The following ARHGEF26 variants were observed in gnomAD, a reference collection of about 807,000 sequenced individuals.
ARHGEF26 encodes the protein Rho guanine nucleotide exchange factor (GEF) 26.
Under a neutral mutation model 89.4 loss-of-function variants are expected in ARHGEF26, and 59 were observed. The observed-to-expected ratio is 0.66, with a 90% confidence interval of 0.54 to 0.82. The LOEUF (loss-of-function observed/expected upper bound fraction) is 0.82, where lower values mean the gene tolerates loss of function less well. Ranked by LOEUF, ARHGEF26 falls within the 40% of genes least tolerant of loss-of-function variation. The probability of loss-of-function intolerance (pLI) is 0.00; values close to 1 mark genes in which losing one functional copy is unlikely to be tolerated. For missense variants in ARHGEF26, 1,234 were observed against 1,085.6 expected, an observed-to-expected ratio of 1.14 and a Z score of -1.92; for synonymous variants, 500 against 428.4, an observed-to-expected ratio of 1.17 and a Z score of -2.06.
At chr3:154,161,067 G>A (rs905774905) in intron 6 of ARHGEF26, among the ~76,000 whole-genome samples, 185 of 124,460 alleles carry the variant, frequency 1.5e-3, no homozygotes, top group Non-Finnish European at 1.4e-3. Flanking sequence ...AGCCTTCTGC[G>A]CTACTCTCCT....
intron 6 of ARHGEF26, among the ~76,000 whole-genome samples, chr3:154,181,136 A>AG (rs1299184177): frequency 1.3e-5 from 2 of 152,226 alleles, no homozygotes; most frequent in Non-Finnish European, 2.9e-5. Context: ...CACCAAAAAA[A>AG]TTCCAAATAA....
chr3:154,221,209 A>G (rs2108253257), intron 10 of ARHGEF26, among the ~76,000 whole-genome samples: 1 of 152,314 alleles, frequency 6.6e-6, no homozygotes, highest in East Asian at 1.9e-4. Context: ...GGAAATCCAA[A>G]TGATGACAAA....
At chr3:154,239,241 T>C (rs1174613682) in intron 11 of ARHGEF26, among the ~76,000 whole-genome samples, 1 of 146,114 alleles carries the variant, frequency 6.8e-6, no homozygotes, top group Non-Finnish European at 1.5e-5. Flanking sequence ...GGACTTGATG[T>C]AAATGACCGA....
intron 9 of ARHGEF26, among the ~76,000 whole-genome samples, chr3:154,199,464 A>G (rs1484061565): frequency 6.6e-6 from 1 of 151,942 alleles, no homozygotes; most frequent in Middle Eastern, 3.2e-3. Context: ...TCTTTCATCT[A>G]CTGATGGACA....
At chr3:154,138,346 GA>G (rs563445921) in intron 4 of ARHGEF26, among the ~76,000 whole-genome samples, 35 of 152,098 alleles carry the variant, frequency 2.3e-4, no homozygotes, top group Admixed American at 1.5e-3. Context: ...GTTATGTATT[GA>G]GTACAGTTTC....
At chr3:154,251,543 C>T (rs571496114) in intron 12 of ARHGEF26, among the ~76,000 whole-genome samples, 2 of 152,258 alleles carry the variant, frequency 1.3e-5, no homozygotes, top group Middle Eastern at 6.8e-3. Context: ...AAGCTGCCTG[C>T]TTTTATGAGG....
At position 154,122,328 on chromosome 3, in the gene ARHGEF26, G is replaced by C. The variant is rs1718003503; in HGVS notation, c.336G>C (p.Lys112Asn). 1 of 1,612,786 alleles carries C rather than the reference G, an allele frequency of 6.2e-7. No individual in the cohort carries two copies. The highest frequency in any genetic ancestry group is 1.1e-5 in the South Asian group (1 of 91,082). The change falls in exon 2 of 15, where the codon AAG becomes AAC. Residue 112 changes from lysine to asparagine, a missense_variant. Physicochemically the swap from Lys to Asn is moderately conservative, Grantham distance 94. Transcript: ENST00000465093. ...CCTCTCCTCGACTTCGACGGCCCAA[G>C]TCACCCAAGCTCCCCAAAGCGGTGC... Reference protein sequence around the residue: ...RAASPRLRRPKSPKLPKAVPG... With the variant: ...RAASPRLRRPNSPKLPKAVPG...
At chr3:154,146,523 G>T (rs1239768971) in intron 4 of ARHGEF26, among the ~76,000 whole-genome samples, 1 of 152,134 alleles carries the variant, frequency 6.6e-6, no homozygotes, top group South Asian at 2.1e-4. Context: ...ATCCATAGAA[G>T]AAATATCTTG....
At chr3:154,239,002 G>A (rs1717289171) in intron 11 of ARHGEF26, among the ~76,000 whole-genome samples, 1 of 152,050 alleles carries the variant, frequency 6.6e-6, no homozygotes, top group South Asian at 2.1e-4. Context: ...GATTAGAGGA[G>A]GTGAGTTGGA....
chr3:154,186,570 G>A (rs1713567775), intron 6 of ARHGEF26, among the ~76,000 whole-genome samples: 1 of 151,922 alleles, frequency 6.6e-6, no homozygotes, highest in East Asian at 2.0e-4. Flanking sequence ...AGACCAGCCT[G>A]GCCGATATGG....
intron 6 of ARHGEF26, among the ~76,000 whole-genome samples, chr3:154,186,167 C>CACACACACA (rs1170023336): frequency 4.2e-5 from 2 of 47,098 alleles, no homozygotes; most frequent in South Asian, 9.7e-4. Context: ...ACACACACAC[C>CACACACACA]CCTATACACA....
intron 13 of ARHGEF26, among the ~76,000 whole-genome samples, chr3:154,253,449 T>C (rs947887663): frequency 1.3e-5 from 2 of 152,222 alleles, no homozygotes; most frequent in South Asian, 2.1e-4. Context: ...GCAAGTCAGT[T>C]ACACCATTAT....
chr3:154,143,091 G>C (rs1719481501), intron 4 of ARHGEF26, among the ~76,000 whole-genome samples: 1 of 152,120 alleles, frequency 6.6e-6, no homozygotes, highest in Non-Finnish European at 1.5e-5. Context: ...TTTGGGAGAG[G>C]ATGTTGAAGT....
At chr3:154,224,678 TTGTC>T (rs1477546228) in intron 10 of ARHGEF26, among the ~76,000 whole-genome samples, 1 of 152,156 alleles carries the variant, frequency 6.6e-6, no homozygotes, top group African/African-American at 2.4e-5. Flanking sequence ...TGTAGGGTAA[TTGTC>T]TGATTTCGAG....
chr3:154,179,469 C>T (rs1394941307), intron 6 of ARHGEF26, among the ~76,000 whole-genome samples: 1 of 152,186 alleles, frequency 6.6e-6, no homozygotes. Flanking sequence ...TGCTGCTCCA[C>T]AGTTGTGTGT....
chr3:154,182,028 G>A (rs1713214621), intron 6 of ARHGEF26, among the ~76,000 whole-genome samples: 2 of 151,016 alleles, frequency 1.3e-5, no homozygotes, highest in African/African-American at 4.9e-5. Flanking sequence ...TGGGTGGGTG[G>A]GTGGTTGGGT....
intron 9 of ARHGEF26, among the ~76,000 whole-genome samples, chr3:154,204,185 C>G (rs1165661032): frequency 6.6e-6 from 1 of 152,010 alleles, no homozygotes; most frequent in East Asian, 1.9e-4. Context: ...TGTTACTGGT[C>G]TATTCAGCTT....
chr3:154,206,080 G>A (rs1316067612), intron 9 of ARHGEF26, among the ~76,000 whole-genome samples: 1 of 152,126 alleles, frequency 6.6e-6, no homozygotes, highest in African/African-American at 2.4e-5. Flanking sequence ...GTCTAGTGTT[G>A]ATGAAATGCC....
chr3:154,136,524 T>C (rs1719018191), intron 4 of ARHGEF26, among the ~76,000 whole-genome samples: 4 of 152,128 alleles, frequency 2.6e-5, no homozygotes, highest in Admixed American at 2.6e-4. Flanking sequence ...TTCATTCCAT[T>C]GAAAATGCAG....
Sources: gnomAD v4.1 joint callset for allele counts (sites outside exome capture counted in the v4.1 genomes callset) on GRCh38, gnomAD v4.1.1 for gene constraint, MANE v1.5 for transcripts, NCBI Gene and HGNC (gene_info 2026-07-23, HGNC 2026-07-21) for gene names.